The following CNTNAP2 variants were observed in gnomAD, a reference collection of about 807,000 sequenced individuals.
The protein encoded by CNTNAP2 is contactin-associated protein-like 2.
A neutral mutation model predicts 155.2 loss-of-function variants in CNTNAP2; 98 were observed. The observed-to-expected ratio is 0.63, with a 90% CI of 0.54 to 0.75. The LOEUF is 0.75. Ranked by LOEUF, CNTNAP2 falls within the 30% of genes least tolerant of loss-of-function variation. CNTNAP2 has a pLI of 0.00. For synonymous variants in CNTNAP2, 651 were observed against 631.2 expected, an observed-to-expected ratio of 1.03 and a Z score of -0.47; for missense variants, 1,727 against 1,688.1, an observed-to-expected ratio of 1.02 and a Z score of -0.40.
At chr7:146,935,567 A>G (rs116176190) in intron 3 of CNTNAP2, among the ~76,000 whole-genome samples, 5,175 of 152,310 alleles carry the variant, frequency 0.034, 276 homozygotes, top group African/African-American at 0.11. Context: ...AAAAGAAGCA[A>G]TGATTAGAAA....
chr7:147,912,602 G>A (rs1800085992), intron 14 of CNTNAP2, among the ~76,000 whole-genome samples: 1 of 152,148 alleles, frequency 6.6e-6, no homozygotes, highest in Non-Finnish European at 1.5e-5. Context: ...ACTGCTTCCT[G>A]AAATAGCCAC....
intron 12 of CNTNAP2, among the ~76,000 whole-genome samples, chr7:147,566,903 A>G (rs1800185363): frequency 6.6e-6 from 1 of 152,212 alleles, no homozygotes; most frequent in African/African-American, 2.4e-5. Flanking sequence ...GTCTGAGAGC[A>G]TTTGGGGGGC....
chr7:146,352,750 G>GTTCTTTTTTTTTTTT (rs1554421455), intron 1 of CNTNAP2, among the ~76,000 whole-genome samples: 1 of 64,338 alleles, frequency 1.6e-5, no homozygotes, highest in African/African-American at 6.4e-5. Context: ...GCATAATTCT[G>GTTCTTTTTTTTTTTT]TTTTTTTTTT....
intron 13 of CNTNAP2, among the ~76,000 whole-genome samples, chr7:147,887,713 A>G (rs1160543994): frequency 1.3e-5 from 2 of 152,192 alleles, no homozygotes; most frequent in African/African-American, 4.8e-5. Context: ...TATATCAAAT[A>G]TCCCTGTATG....
chr7:147,530,576 T>A (rs1799414279), intron 11 of CNTNAP2, among the ~76,000 whole-genome samples: 1 of 152,120 alleles, frequency 6.6e-6, no homozygotes, highest in Admixed American at 6.5e-5. Flanking sequence ...ACTTATTGAC[T>A]ACCACAAAAA....
At chr7:146,823,565 A>G (rs1370617226) in intron 2 of CNTNAP2, among the ~76,000 whole-genome samples, 1 of 147,436 alleles carries the variant, frequency 6.8e-6, no homozygotes, top group African/African-American at 2.6e-5. Context: ...GTATATTTAC[A>G]TGGAAATATA....
intron 9 of CNTNAP2, among the ~76,000 whole-genome samples, chr7:147,304,604 T>C (rs1205685336): frequency 6.6e-6 from 1 of 152,114 alleles, no homozygotes; most frequent in African/African-American, 2.4e-5. Context: ...TCTAAAGAAC[T>C]CAATGGGGAA....
At chr7:147,047,815 C>G (rs187201186) in intron 4 of CNTNAP2, among the ~76,000 whole-genome samples, 1 of 152,082 alleles carries the variant, frequency 6.6e-6, no homozygotes, top group Non-Finnish European at 1.5e-5. Context: ...AATCAGGAAG[C>G]GAGACTTTTC....
intron 1 of CNTNAP2, among the ~76,000 whole-genome samples, chr7:146,441,054 A>G (rs1340227143): frequency 6.6e-6 from 1 of 151,514 alleles, no homozygotes; most frequent in Non-Finnish European, 1.5e-5. Context: ...TCAGAATTGT[A>G]GGCGTATTTC....
intron 15 of CNTNAP2, among the ~76,000 whole-genome samples, chr7:148,102,044 C>T (rs541976878): frequency 6.6e-5 from 10 of 152,116 alleles, no homozygotes; most frequent in East Asian, 1.9e-4. Context: ...ACTCGTGTGA[C>T]GGGGGGTTGT....
intron 9 of CNTNAP2, among the ~76,000 whole-genome samples, chr7:147,382,824 G>A (rs1265801498): frequency 6.6e-6 from 1 of 152,046 alleles, no homozygotes; most frequent in Admixed American, 6.6e-5. Context: ...AAAAGTAGAA[G>A]GAAAACCTCG....
chr7:148,207,275 GA>G (rs1366396375), intron 18 of CNTNAP2, among the ~76,000 whole-genome samples: 1 of 152,244 alleles, frequency 6.6e-6, no homozygotes, highest in Non-Finnish European at 1.5e-5. Flanking sequence ...ATCGAAGAGT[GA>G]ATAAATAGCT....
chr7:146,471,294 C>A (rs1425971783), intron 1 of CNTNAP2, among the ~76,000 whole-genome samples: 1 of 152,184 alleles, frequency 6.6e-6, no homozygotes, highest in African/African-American at 2.4e-5. Context: ...AAGTCACTTC[C>A]TTGAATCAGA....
intron 10 of CNTNAP2, among the ~76,000 whole-genome samples, chr7:147,479,571 A>C (rs1393489201): frequency 6.6e-6 from 1 of 152,244 alleles, no homozygotes; most frequent in Non-Finnish European, 1.5e-5. Context: ...ACAGTGAGAA[A>C]TATATTGTAA....
chr7:146,936,352 C>G (rs1250319077), intron 3 of CNTNAP2, among the ~76,000 whole-genome samples: 3 of 152,150 alleles, frequency 2.0e-5, no homozygotes, highest in Non-Finnish European at 2.9e-5. Context: ...TTGTTTTTCT[C>G]CTGCAAACAG....
At chr7:147,525,568 GT>G (rs1196575948) in intron 11 of CNTNAP2, among the ~76,000 whole-genome samples, 2 of 152,224 alleles carry the variant, frequency 1.3e-5, no homozygotes, top group Non-Finnish European at 2.9e-5. Context: ...AGCAGATATA[GT>G]TGGATGGGTA....
intron 1 of CNTNAP2, among the ~76,000 whole-genome samples, chr7:146,612,931 CTT>C (rs10593929): frequency 0.56 from 77,358 of 139,248 alleles, 21,253 homozygotes; most frequent in African/African-American, 0.63. Context: ...TAACATCTGT[CTT>C]TTTTTTTTTT....
chr7:146,585,522 ATAGT>A, intron 1 of CNTNAP2, among the ~76,000 whole-genome samples: 2 of 152,258 alleles, frequency 1.3e-5, no homozygotes, highest in Admixed American at 6.5e-5. Context: ...GCTTTACAAC[ATAGT>A]TAGGTAAGTT....
At chr7:147,788,595 A>G (rs1239017361) in intron 13 of CNTNAP2, among the ~76,000 whole-genome samples, 1 of 152,098 alleles carries the variant, frequency 6.6e-6, no homozygotes, top group East Asian at 1.9e-4. Context: ...GGCCTTACAT[A>G]CCTTCTATAT....
Sources: allele counts gnomAD v4.1 joint callset (sites outside exome capture counted in the v4.1 genomes callset), GRCh38; gene constraint gnomAD v4.1.1; transcripts MANE v1.5; gene names NCBI Gene and HGNC (gene_info 2026-07-23, HGNC 2026-07-21).